Variants in SH3RF2 observed in about 807,000 individuals in gnomAD.
SH3RF2 encodes the protein SH3 domain containing ring finger 2.
SH3RF2 carries 43 observed loss-of-function variants against 59.0 expected under a neutral mutation model. The observed-to-expected ratio is 0.73, with a 90% CI of 0.57 to 0.94. SH3RF2 has a LOEUF of 0.94. SH3RF2 is among the 40% of genes least tolerant of loss of function. The probability of loss-of-function intolerance (pLI) is 0.00; values close to 1 mark genes in which losing one functional copy is unlikely to be tolerated. For missense variants in SH3RF2, 930 were observed against 940.1 expected (o/e 0.99, Z 0.14); for synonymous variants, 391 against 391.5 (o/e 1.00, Z 0.01).
Position 145,938,177 on chromosome 5 carries a change from G to C in SH3RF2, c.249G>C (p.Gly83=), listed in dbSNP as rs201139499. 1.4e-5 allele frequency: 22 copies of C among 1,613,972 alleles called. No individual in the cohort carries two copies. In the East Asian group the frequency reaches 4.7e-4, roughly 34 times the overall value. Residue 83 remains glycine (G), a synonymous_variant, in exon 2 of 10, where the codon GGG becomes GGC. Coordinates refer to ENST00000359120, the MANE Select transcript of SH3RF2 (RefSeq NM_152550.4). ...LDGVRSGQSS[G]RGGSFRRPGT... ...GAGTGCGCTCAGGGCAGAGCTCCGG[G>C]AGAGGGGGCTCCTTCCGCAGGCCTG...
intron 5 of SH3RF2, among the ~76,000 whole-genome samples, chr5:146,039,680 G>A (rs1156953042): frequency 6.6e-6 from 1 of 152,134 alleles, no homozygotes; most frequent in Non-Finnish European, 1.5e-5. Flanking sequence ...GCCACATTGG[G>A]AAACAGTGTG....
At chr5:146,014,317 A>G (rs1382260130) in intron 5 of SH3RF2, among the ~76,000 whole-genome samples, 4 of 152,162 alleles carry the variant, frequency 2.6e-5, no homozygotes, top group Non-Finnish European at 5.9e-5. Context: ...TAAACAACTT[A>G]TCCAAATTCT....
intron 2 of SH3RF2, among the ~76,000 whole-genome samples, chr5:145,938,783 T>C (rs1178594830): frequency 2.6e-5 from 4 of 152,236 alleles, no homozygotes; most frequent in Admixed American, 2.0e-4. Context: ...AGTGCTATTA[T>C]GGCAATACTC....
rs1758852883 is a variant in SH3RF2 at position 145,966,289 on chromosome 5, G to A, written c.378+27983G>A. 2.0e-5 allele frequency among the ~76,000 whole-genome samples: 3 copies of A among 152,202 alleles called. No individual in the cohort carries two copies. The South Asian group carries it at 6.2e-4, about 32-fold the overall frequency. On this transcript the variant is annotated intron_variant, in intron 2 of 9. Transcript: ENST00000359120. ...GAGAACATGGCAAAGAGGGATGACA[G>A]TGGCAGCAGAGACAGAGTGAAATGA...
chr5:145,943,178 A>C (rs894132187), intron 2 of SH3RF2, among the ~76,000 whole-genome samples: 1 of 151,996 alleles, frequency 6.6e-6, no homozygotes, highest in African/African-American at 2.4e-5. Context: ...AGAGAAAGTC[A>C]GCTGGCACTA....
chr5:146,067,038 T>C (rs1416443181), downstream of SH3RF2, among the ~76,000 whole-genome samples: 4 of 152,164 alleles, frequency 2.6e-5, no homozygotes, highest in South Asian at 2.1e-4. Context: ...AATGGTCCCA[T>C]TGAGCAGCAT....
intron 5 of SH3RF2, among the ~76,000 whole-genome samples, chr5:146,022,251 C>T (rs550374829): frequency 6.6e-4 from 101 of 152,208 alleles, no homozygotes; most frequent in African/African-American, 2.3e-3. Flanking sequence ...TCTGTTGCCC[C>T]GGCTGAAGTG....
chr5:145,979,742 C>T (rs1759438932), intron 2 of SH3RF2, among the ~76,000 whole-genome samples: 1 of 152,112 alleles, frequency 6.6e-6, no homozygotes, highest in South Asian at 2.1e-4. Flanking sequence ...TGAATAATAG[C>T]GTTTACCTCA....
At chr5:145,997,143 T>G in intron 2 of SH3RF2, 13 of 673,336 alleles carry the variant, frequency 1.9e-5, no homozygotes, top group Non-Finnish European at 2.7e-5. Flanking sequence ...CAGCAATGAA[T>G]GAGACTTCCT....
At chr5:146,060,771 G>A (rs1374564255) in intron 9 of SH3RF2, among the ~76,000 whole-genome samples, 2 of 152,200 alleles carry the variant, frequency 1.3e-5, no homozygotes, top group Non-Finnish European at 2.9e-5. Context: ...AGGTCACACT[G>A]AATGATAATG....
intron 9 of SH3RF2, among the ~76,000 whole-genome samples, chr5:146,062,138 T>C (rs1026884760): frequency 1.1e-4 from 16 of 152,158 alleles, no homozygotes; most frequent in African/African-American, 1.2e-4. Context: ...GCTGTTTTTA[T>C]AGGCGGCGGC....
chr5:145,949,742 A>T (rs1223799183), intron 2 of SH3RF2, among the ~76,000 whole-genome samples: 2 of 152,208 alleles, frequency 1.3e-5, no homozygotes, highest in Non-Finnish European at 2.9e-5. Context: ...AGGATCCAGG[A>T]TGCAGGAGGC....
intron 2 of SH3RF2, among the ~76,000 whole-genome samples, chr5:145,981,488 A>G (rs1306115590): frequency 6.6e-6 from 1 of 152,136 alleles, no homozygotes; most frequent in Non-Finnish European, 1.5e-5. Context: ...AAATCTCTTA[A>G]GCTCTAGGTT....
chr5:146,059,987 C>A lies in SH3RF2; in HGVS notation c.1677C>A (p.Ile559=). ...QQFQFYQPQG[I]PSSPSAVVVE... is the part of the protein sequence containing the mutation. ...TCCAATTCTACCAGCCACAGGGGAT[C>A]CCCTCCTCCCCCTCAGCCGTGGTGG... Residue 559 remains isoleucine, a synonymous_variant, in exon 9 of 10, where the codon ATC becomes ATA. Transcript: ENST00000359120. The A allele has an allele frequency of 6.3e-7, 1 of 1,586,554 alleles. No homozygotes were observed. Among genetic ancestry groups the A allele is most frequent in the Non-Finnish European group, 8.6e-7 (1 of 1,165,318 alleles).
At chr5:146,069,274 A>G (rs570817313) in intron 9 of SH3RF2, among the ~76,000 whole-genome samples, 1 of 152,280 alleles carries the variant, frequency 6.6e-6, no homozygotes, top group Non-Finnish European at 1.5e-5. Flanking sequence ...GTTTGGAGGA[A>G]TTTTGTCAAG....
At chr5:146,030,398 A>G (rs1761699741) in intron 5 of SH3RF2, among the ~76,000 whole-genome samples, 1 of 152,178 alleles carries the variant, frequency 6.6e-6, no homozygotes, top group South Asian at 2.1e-4. Flanking sequence ...GCACGGAGAG[A>G]GTTTACTACT....
intron 2 of SH3RF2, among the ~76,000 whole-genome samples, chr5:145,938,904 T>G (rs921271289): frequency 6.6e-6 from 1 of 152,222 alleles, no homozygotes; most frequent in South Asian, 2.1e-4. Context: ...GTGAAGTGCT[T>G]CAGCTGTGTA....
At chr5:146,071,941 G>T (rs569696456) in intron 9 of SH3RF2, among the ~76,000 whole-genome samples, 45 of 152,248 alleles carry the variant, frequency 3.0e-4, no homozygotes, top group African/African-American at 1.1e-3. Context: ...TGGATGTAGA[G>T]GCACAATTCA....
rs916950093 is a variant in SH3RF2 at position 146,059,528 on chromosome 5, ACGCG to A, written c.1556-333_1556-330del. 3.2e-3 allele frequency among the ~76,000 whole-genome samples: 490 copies of A among 151,012 alleles called. 4 individuals carry two copies. The highest frequency in any genetic ancestry group is 0.011 in the African/African-American group (471 of 41,056). On this transcript the variant is annotated intron_variant, in intron 8 of 9. Transcript: ENST00000359120. ...GTCTGACTGCCTCTGTGTCTGCTTC[ACGCG>A]CGCGTGTGTGTGTGTACGTGTGTGT...
Sources: gnomAD v4.1 joint callset for allele counts (sites outside exome capture counted in the v4.1 genomes callset) on GRCh38, gnomAD v4.1.1 for gene constraint, MANE v1.5 for transcripts, NCBI Gene and HGNC (gene_info 2026-07-23, HGNC 2026-07-21) for gene names.